The following IDO1 variants were observed in gnomAD, a reference collection of about 807,000 sequenced individuals.
IDO1 encodes indoleamine 2,3-dioxygenase 1, also known as indolamine 2,3 dioxygenase.
In IDO1, 35 loss-of-function variants were observed where a neutral mutation model predicts 38.8. The ratio of observed to expected loss-of-function variants is 0.90; its 90% CI spans 0.69 to 1.20. IDO1 has a LOEUF of 1.20. Among genes scored for constraint, IDO1 ranks in the 50% most tolerant of loss-of-function variants. The pLI is 0.00. For synonymous variants in IDO1, 171 were observed against 170.0 expected (o/e 1.01, Z -0.05); for missense variants, 509 against 485.1 (o/e 1.05, Z -0.46).
intron 4 of IDO1, among the ~76,000 whole-genome samples, chr8:39,919,318 A>G (rs1025616724): frequency 6.6e-6 from 1 of 152,154 alleles, no homozygotes; most frequent in Non-Finnish European, 1.5e-5. Flanking sequence ...ATCAAAAATT[A>G]GATGATTTTT....
intron 7 of IDO1, 45 bp downstream of exon 7, chr8:39,923,631 T>A (rs763581683): frequency 8.9e-7 from 1 of 1,123,260 alleles, no homozygotes; most frequent in Non-Finnish European, 1.3e-6. Flanking sequence ...ACAAGTCAAA[T>A]GTTCCAGGTG....
In IDO1 at chr8:39,921,637, C is replaced by T. The variant is rs140684008; in HGVS notation, c.438-915C>T. On this transcript the variant is annotated intron_variant, in intron 5 of 9. Coordinates refer to ENST00000518237, the MANE Select transcript of IDO1 (RefSeq NM_002164.6). ...GTGTCATATCTTGCTCAAGGTCACA[C>T]AGCAAGTAAGTTGCAGAGATGGTCT... 2.7e-3 allele frequency among the ~76,000 whole-genome samples: 410 copies of T among 152,264 alleles called. 2 individuals are homozygous for T. The highest frequency in any genetic ancestry group is 9.5e-3 in the African/African-American group (393 of 41,552).
chr8:39,918,376 CATT>C (rs1294932444), intron 3 of IDO1, 169 bp downstream of exon 3: 1 of 611,632 alleles, frequency 1.6e-6, no homozygotes, highest in African/African-American at 1.8e-5. Flanking sequence ...CCACTGTTAT[CATT>C]ATTATATTTT....
At chr8:39,919,069 G>A (rs1046569995) in intron 4 of IDO1, 136 bp downstream of exon 4, 2 of 760,736 alleles carry the variant, frequency 2.6e-6, no homozygotes, top group Non-Finnish European at 4.8e-6. Flanking sequence ...TTCCTCGGCT[G>A]GGTACGGTTT....
Position 39,922,609 on chromosome 8 carries a change from G to T in IDO1, c.495G>T (p.Leu165=), listed in dbSNP as rs1807291741. The T allele has an allele frequency of 6.2e-7, 1 of 1,613,396 alleles. No individual in the cohort carries two copies. The highest frequency in any genetic ancestry group is 8.5e-7 in the Non-Finnish European group (1 of 1,179,552). ...RDGDCSKGFF[L]VSLLVEIAAA... is the part of the protein sequence containing the mutation. ...GAGACTGCAGTAAAGGATTCTTCCTGGTCTCTCTATTGGTGGAAATAGCAG... is the reference window on the plus strand; with the variant it reads ...GAGACTGCAGTAAAGGATTCTTCCTTGTCTCTCTATTGGTGGAAATAGCAG... The change falls in exon 6 of 10, where the codon CTG becomes CTT. Residue 165 remains leucine (L), a synonymous_variant. Coordinates refer to ENST00000518237, the MANE Select transcript of IDO1 (RefSeq NM_002164.6).
chr8:39,920,713 C>T (rs1203643955), intron 5 of IDO1: 1 of 152,156 alleles, frequency 6.6e-6, no homozygotes, highest in African/African-American at 2.4e-5. Context: ...CCTGTAATCT[C>T]AGCTACTCAG....
Position 39,915,570 on chromosome 8 carries a change from TGC to T in IDO1, c.87+1562_87+1563del, listed in dbSNP as rs569002126. On this transcript the variant is annotated intron_variant, in intron 1 of 9. Coordinates refer to ENST00000518237, the MANE Select transcript of IDO1 (RefSeq NM_002164.6). ...AATGAAAAGTATACTTTAATTTTAT[TGC>T]CAAAAGCACTAGTTTGCTTTATTCA... The T allele has an allele frequency of 1.3e-3, 198 of 152,354 alleles. 1 individual carries two copies. Among genetic ancestry groups the T allele is most frequent in the African/African-American group, 4.6e-3 (192 of 41,590 alleles). 9.4% of individuals were successfully genotyped at this position (152,354 alleles called of 1,614,324 possible). A position where few individuals can be genotyped will look rare whatever the true frequency, so the allele number is the denominator to read the frequency against.
chr8:39,914,569 C>G (rs1198014903), intron 1 of IDO1, among the ~76,000 whole-genome samples: 1 of 152,110 alleles, frequency 6.6e-6, no homozygotes, highest in Non-Finnish European at 1.5e-5. Context: ...CAAGTCTTAC[C>G]TATAAAGTAC....
intron 9 of IDO1, among the ~76,000 whole-genome samples, chr8:39,927,339 T>A (rs1021009321): frequency 6.6e-6 from 1 of 152,118 alleles, no homozygotes; most frequent in Non-Finnish European, 1.5e-5. Flanking sequence ...GGCAGGTGGA[T>A]CATCTGAGGT....
intron 5 of IDO1, among the ~76,000 whole-genome samples, chr8:39,921,321 C>G (rs951000854): frequency 2.0e-5 from 3 of 151,806 alleles, no homozygotes; most frequent in African/African-American, 7.3e-5. Flanking sequence ...GGCATGGTGG[C>G]ACATGCCTGT....
rs1243472016 is a variant in IDO1, at chr8:39,928,703, G to C, written c.*518G>C. 6.7e-6 allele frequency among the ~76,000 whole-genome samples: 1 copy of C among 150,260 alleles called. No individual in the cohort carries two copies. The highest frequency in any genetic ancestry group is 1.5e-5 in the Non-Finnish European group (1 of 67,684). On this transcript the variant is annotated 3_prime_UTR_variant, in exon 10 of 10. Coordinates refer to ENST00000518237, the MANE Select transcript of IDO1 (RefSeq NM_002164.6). ...AGCCAAGATTGTGCCACTGCAATCCGGCCTGGGCTAAAGAGCGGGACTCCG... is the reference window on the plus strand; with the variant it reads ...AGCCAAGATTGTGCCACTGCAATCCCGCCTGGGCTAAAGAGCGGGACTCCG...
At chr8:39,919,066 G>A in intron 4 of IDO1, 133 bp downstream of exon 4, 11 of 760,832 alleles carry the variant, frequency 1.4e-5, no homozygotes, top group South Asian at 1.2e-4. Flanking sequence ...CAGTTCCTCG[G>A]CTGGGTACGG....
At chr8:39,914,910 C>A (rs1047837238) in intron 1 of IDO1, among the ~76,000 whole-genome samples, 1 of 152,130 alleles carries the variant, frequency 6.6e-6, no homozygotes, top group Non-Finnish European at 1.5e-5. Context: ...GGATTATAGG[C>A]ACCTGCCACC....
chr8:39,918,567 G>A, intron 3 of IDO1: 1 of 477,488 alleles, frequency 2.1e-6, no homozygotes, highest in South Asian at 2.4e-5. Context: ...CTAACATAGT[G>A]AAACCCCATC....
In IDO1 at chr8:39,928,052, A is replaced by G. The variant is rs773257114; in HGVS notation, c.1079A>G (p.Gln360Arg). ...VTKYILIPAS[Q>R]QPKENKTSED... ...AAGTACATCCTGATTCCTGCAAGCCAGCAGCCAAAGGAGAATAAGACCTCT... is the reference window on the plus strand; with the variant it reads ...AAGTACATCCTGATTCCTGCAAGCCGGCAGCCAAAGGAGAATAAGACCTCT... The change falls in exon 10 of 10, where the codon CAG becomes CGG. Residue 360 changes from glutamine (Q) to arginine (R), a missense_variant. By Grantham distance (43) the Gln-to-Arg change is conservative. Transcript: ENST00000518237. 28 of 1,610,860 alleles carry G rather than the reference A, an allele frequency of 1.7e-5. No homozygotes were observed. The highest frequency in any genetic ancestry group is 3.4e-5 in the Admixed American group (2 of 59,432).
At chr8:39,924,832 C>A (rs1055923030) in intron 8 of IDO1, 60 bp downstream of exon 8, 2 of 1,249,432 alleles carry the variant, frequency 1.6e-6, no homozygotes, top group South Asian at 1.2e-5. Flanking sequence ...CCACCAAATT[C>A]TCTTGGTTGG....
chr8:39,926,579 C>T lies in IDO1; in HGVS notation c.856+1208C>T, dbSNP rs117523269. On this transcript the variant is annotated intron_variant, in intron 9 of 9. Transcript: ENST00000518237. ...AAGAAGAACTTCTTTTTAATTTTCT[C>T]TGTTTTGTTAAACTTCTGTTTAACA... is the stretch of plus-strand genomic sequence containing the variant. Among the ~76,000 whole-genome samples, 195 of 152,300 alleles carry T rather than the reference C, an allele frequency of 1.3e-3. 2 individuals carry two copies. In the East Asian group the frequency reaches 0.034, roughly 27 times the overall value.
In IDO1 at chr8:39,917,968, A is replaced by C. The variant is rs1421396047; in HGVS notation, c.181A>C (p.Lys61Gln). 2.5e-6 allele frequency: 4 copies of C among 1,612,520 alleles called. No homozygotes were observed. The highest frequency in any genetic ancestry group is 3.4e-6 in the Non-Finnish European group (4 of 1,178,814). ...TGGCCAGCTTCGAGAAAGAGTTGAG[A>C]AGGTTTGACATATGTATTACATTTG... ...ESGQLRERVE[K>Q]LNMLSIDHLT... Residue 61 changes from lysine to glutamine, a missense_variant and splice_region_variant, in exon 2 of 10, where the codon AAG becomes CAG. Coordinates refer to ENST00000518237, the MANE Select transcript of IDO1 (RefSeq NM_002164.6).
rs1254618091 is a variant in IDO1, at chr8:39,922,480, A to G, written c.438-72A>G. 7.6e-6 allele frequency: 7 copies of G among 924,038 alleles called. No homozygotes were observed. In the South Asian group the frequency reaches 8.0e-5, roughly 11 times the overall value. 57.2% of individuals were successfully genotyped at this position (924,038 alleles called of 1,614,324 possible). A position where few individuals can be genotyped will look rare whatever the true frequency, so the allele number is the denominator to read the frequency against. On this transcript the variant is annotated intron_variant, in intron 5 of 9. Transcript: ENST00000518237. ...AAAATTATGTTGAAACTAAAATAGC[A>G]TAAATAAAAATGTCAAAAAATATCC...
Sources: gnomAD v4.1 joint callset for allele counts (sites outside exome capture counted in the v4.1 genomes callset) on GRCh38, gnomAD v4.1.1 for gene constraint, MANE v1.5 for transcripts, NCBI Gene and HGNC (gene_info 2026-07-23, HGNC 2026-07-21) for gene names.